Variants in VAC14 observed in about 807,000 individuals in gnomAD.
The protein encoded by VAC14 is VAC14 component of PIKFYVE complex, also known as protein VAC14 homolog.
VAC14 carries 47 observed loss-of-function variants against 85.3 expected under a neutral mutation model. That is an observed-to-expected ratio of 0.55 (90% CI 0.44 to 0.70). The LOEUF (loss-of-function observed/expected upper bound fraction) is 0.70. VAC14 is among the 30% of genes least tolerant of loss of function. The pLI is 0.00. For synonymous variants in VAC14, 447 were observed against 430.5 expected, an observed-to-expected ratio of 1.04 and a Z score of -0.47; for missense variants, 861 against 1,004.3, an observed-to-expected ratio of 0.86 and a Z score of 1.93.
intron 14 of VAC14, among the ~76,000 whole-genome samples, chr16:70,705,531 T>C (rs533418133): frequency 2.6e-5 from 4 of 152,358 alleles, no homozygotes; most frequent in South Asian, 2.1e-4. Flanking sequence ...TCTGACATTC[T>C]TGACTATCCC....
chr16:70,789,794 C>G (rs917724320), intron 1 of VAC14, among the ~76,000 whole-genome samples: 1 of 152,192 alleles, frequency 6.6e-6, no homozygotes, highest in Non-Finnish European at 1.5e-5. Context: ...CCTAGGCCCG[C>G]TAAAGCAGCT....
chr16:70,691,243 G>C (rs1015447197), intron 18 of VAC14: 258 of 985,344 alleles, frequency 2.6e-4, no homozygotes, highest in Non-Finnish European at 3.0e-4. Context: ...CGGAGACCCG[G>C]GAGAGGCTGG....
At chr16:70,790,998 G>C (rs904161241) in intron 1 of VAC14, among the ~76,000 whole-genome samples, 10 of 152,330 alleles carry the variant, frequency 6.6e-5, no homozygotes, top group African/African-American at 2.2e-4. Flanking sequence ...CCGGCAGGAA[G>C]AATCTGTTCC....
intron 14 of VAC14, among the ~76,000 whole-genome samples, chr16:70,712,790 T>C (rs533112946): frequency 6.6e-6 from 1 of 152,358 alleles, no homozygotes; most frequent in South Asian, 2.1e-4. Flanking sequence ...TTTTATTGTA[T>C]GTGGTTTAAT....
intron 13 of VAC14, 45 bp from the exon 14 acceptor site, chr16:70,731,672 C>A (rs773417059): frequency 2.6e-6 from 4 of 1,544,398 alleles, no homozygotes; most frequent in South Asian, 1.2e-5. Context: ...GATTATGTGT[C>A]CACAGGGTGA....
At position 70,801,129 on chromosome 16, in the gene VAC14, T is replaced by G. The variant is rs2034789322; in HGVS notation, c.-229A>C. 1 of 425,552 alleles carries G rather than the reference T, an allele frequency of 2.3e-6. No individual in the cohort carries two copies. Among genetic ancestry groups the G allele is most frequent in the African/African-American group, 2.1e-5 (1 of 47,892 alleles). 26.4% of individuals were successfully genotyped at this position (425,552 alleles called of 1,614,324 possible). ...AACTCCCGCCCGGCACTAGCGGGAC[T>G]CACGAGACAGCGGCCATGTTACTCG... On this transcript the variant is annotated 5_prime_UTR_variant, in exon 1 of 19. It removes the in-frame stop codon of an upstream open reading frame in the 5' UTR. Coordinates refer to ENST00000261776, the MANE Select transcript of VAC14 (RefSeq NM_018052.5).
At chr16:70,721,447 A>G (rs1440488514) in intron 14 of VAC14, among the ~76,000 whole-genome samples, 1 of 151,872 alleles carries the variant, frequency 6.6e-6, no homozygotes, top group Non-Finnish European at 1.5e-5. Context: ...GAGGGGGAGG[A>G]AGGAAGAGGA....
chr16:70,693,475 G>GA (rs1276057904), intron 17 of VAC14, among the ~76,000 whole-genome samples: 1 of 152,220 alleles, frequency 6.6e-6, no homozygotes, highest in Admixed American at 6.5e-5. Context: ...GGGCAGGATG[G>GA]AAAAACGCCT....
rs74024459 is a variant in VAC14, at chr16:70,798,815, A to G, written c.104+1982T>C. Among the ~76,000 whole-genome samples the G allele has an allele frequency of 7.9e-4, 121 of 152,328 alleles. 1 individual carries two copies. Among genetic ancestry groups the G allele is most frequent in the African/African-American group, 2.9e-3 (119 of 41,586 alleles). ...TTGGGCAGCAAGGTCCTGAGCCTGC[A>G]ATGTTATTTCCCCACCGAAAATGTA... On this transcript the variant is annotated intron_variant, in intron 1 of 18. Coordinates refer to ENST00000261776, the MANE Select transcript of VAC14 (RefSeq NM_018052.5).
At chr16:70,759,384 C>T (rs189854360) in intron 12 of VAC14, among the ~76,000 whole-genome samples, 157 of 152,230 alleles carry the variant, frequency 1.0e-3, no homozygotes, top group African/African-American at 3.6e-3. Context: ...CCCAGCACTT[C>T]GGGAGGCCAA....
In VAC14 at chr16:70,706,030, G is replaced by A. The variant is rs140566633; in HGVS notation, c.1662-7219C>T. 8.4e-3 allele frequency among the ~76,000 whole-genome samples: 1,282 copies of A among 152,292 alleles called. 9 individuals carry two copies. Among genetic ancestry groups the A allele is most frequent in the Non-Finnish European group, 0.012 (787 of 68,022 alleles). On this transcript the variant is annotated intron_variant, in intron 14 of 18. Transcript: ENST00000261776. ...ACCCTATCGGGTTCTTCATGCCTCT[G>A]CTTCTCCAGTCTGGCACCAGGACCC...
chr16:70,761,049 G>T (rs1467313878), intron 12 of VAC14: 2 of 371,818 alleles, frequency 5.4e-6, no homozygotes, highest in African/African-American at 4.3e-5. Flanking sequence ...GGCAGGAGAG[G>T]CCAAGGGCAT....
At chr16:70,712,080 AC>A (rs1463716890) in intron 14 of VAC14, among the ~76,000 whole-genome samples, 1 of 150,636 alleles carries the variant, frequency 6.6e-6, no homozygotes, top group South Asian at 2.1e-4. Context: ...ACCCTCCCCC[AC>A]CCCCTCCCGG....
chr16:70,783,603 T>C (rs2033916560), intron 5 of VAC14, 49 bp from the exon 6 acceptor site: 1 of 1,583,780 alleles, frequency 6.3e-7, no homozygotes, highest in East Asian at 2.2e-5. Context: ...AGAACCCTGT[T>C]TCCTGCTCAC....
intron 12 of VAC14, among the ~76,000 whole-genome samples, chr16:70,760,962 GGTGTGTGTGTGT>G (rs10671938): frequency 0.018 from 862 of 47,578 alleles, 13 homozygotes; most frequent in South Asian, 0.03. Flanking sequence ...ACGAAGAGAG[GGTGTGTGTGTGT>G]GTGTGTGTGT....
intron 14 of VAC14, among the ~76,000 whole-genome samples, chr16:70,720,947 A>C (rs1197724432): frequency 6.6e-6 from 1 of 152,152 alleles, no homozygotes; most frequent in African/African-American, 2.4e-5. Context: ...GACCAGAAAA[A>C]ATGAGCGCTG....
intron 13 of VAC14, among the ~76,000 whole-genome samples, chr16:70,738,134 G>C (rs1431660728): frequency 2.0e-5 from 3 of 152,232 alleles, no homozygotes; most frequent in Non-Finnish European, 4.4e-5. Context: ...GTGATGGAGA[G>C]GCTGGTATGG....
At chr16:70,692,230 G>A (rs560330970) in intron 18 of VAC14, among the ~76,000 whole-genome samples, 19 of 151,898 alleles carry the variant, frequency 1.3e-4, no homozygotes, top group Non-Finnish European at 2.8e-4. Context: ...TGGTGGAGGG[G>A]TGCCTAGGAC....
chr16:70,790,995 G>T (rs1421420382), intron 1 of VAC14, among the ~76,000 whole-genome samples: 2 of 152,220 alleles, frequency 1.3e-5, no homozygotes, highest in African/African-American at 2.4e-5. Flanking sequence ...CCACCGGCAG[G>T]AAGAATCTGT....
Sources: allele counts gnomAD v4.1 joint callset (sites outside exome capture counted in the v4.1 genomes callset), GRCh38; gene constraint gnomAD v4.1.1; transcripts MANE v1.5; gene names NCBI Gene and HGNC (gene_info 2026-07-23, HGNC 2026-07-21).